SEMA3C: variants seen among roughly 807,000 people sequenced by gnomAD.
SEMA3C encodes the protein semaphorin 3C.
SEMA3C carries 47 observed loss-of-function variants against 89.4 expected under a neutral mutation model. That is an observed-to-expected ratio of 0.53 (90% CI 0.42 to 0.67). The LOEUF is 0.67. Among genes scored for constraint, SEMA3C ranks in the 30% least tolerant of loss-of-function variants. The pLI is 0.00. For missense variants in SEMA3C, 839 were observed against 929.1 expected (o/e 0.90, Z 1.26); for synonymous variants, 310 against 320.2 (o/e 0.97, Z 0.34).
intron 2 of SEMA3C, among the ~76,000 whole-genome samples, chr7:80,861,851 A>G (rs555903001): frequency 3.3e-5 from 5 of 152,206 alleles, no homozygotes; most frequent in Admixed American, 6.5e-5. Flanking sequence ...TCACACGATC[A>G]TCTCAACAGA....
chr7:80,775,533 T>C (rs1337935567), intron 12 of SEMA3C, among the ~76,000 whole-genome samples: 2 of 152,202 alleles, frequency 1.3e-5, no homozygotes, highest in Admixed American at 6.5e-5. Flanking sequence ...CTATTTTTAA[T>C]GCAGGCCCAT....
At chr7:80,837,178 A>G (rs889225943) in intron 2 of SEMA3C, among the ~76,000 whole-genome samples, 3 of 152,196 alleles carry the variant, frequency 2.0e-5, no homozygotes, top group African/African-American at 7.2e-5. Context: ...AATCTTCAGA[A>G]TCATCTATTT....
chr7:80,793,836 T>G (rs1244740642), intron 11 of SEMA3C, among the ~76,000 whole-genome samples: 1 of 115,344 alleles, frequency 8.7e-6, no homozygotes, highest in African/African-American at 2.9e-5. Flanking sequence ...TGAGAAAGAG[T>G]GACTAGCACG....
rs142145253 is a variant in SEMA3C, at chr7:80,753,187, A to G, written c.1644-1851T>C. Among the ~76,000 whole-genome samples the G allele has an allele frequency of 5.5e-3, 833 of 152,326 alleles. 7 individuals carry two copies. Among genetic ancestry groups the G allele is most frequent in the African/African-American group, 0.019 (792 of 41,568 alleles). Reference sequence around the variant, plus strand: ...CCGATTGTGTATTTCTGTACACACGAAAACAGTGAAAGTGTTAGCCACTTT... The same window carrying G: ...CCGATTGTGTATTTCTGTACACACGGAAACAGTGAAAGTGTTAGCCACTTT... On this transcript the variant is annotated intron_variant, in intron 15 of 17. Transcript: ENST00000265361.
At chr7:80,814,767 T>C (rs903805398) in intron 5 of SEMA3C, among the ~76,000 whole-genome samples, 10 of 152,176 alleles carry the variant, frequency 6.6e-5, no homozygotes, top group African/African-American at 2.4e-4. Flanking sequence ...TCAGCATTTA[T>C]ATCATTTCCT....
chr7:80,805,276 G>A (rs1428567364), intron 7 of SEMA3C, among the ~76,000 whole-genome samples: 7 of 151,998 alleles, frequency 4.6e-5, no homozygotes. Context: ...ATTTGGTATT[G>A]TTAAAACATA....
At chr7:80,810,338 T>A (rs1387550650) in intron 6 of SEMA3C, among the ~76,000 whole-genome samples, 1 of 152,162 alleles carries the variant, frequency 6.6e-6, no homozygotes, top group Non-Finnish European at 1.5e-5. Flanking sequence ...AACTACTTTA[T>A]GATAATATAT....
chr7:80,863,903 ACATATATATCACATATATAT>A (rs1401661476), intron 2 of SEMA3C, among the ~76,000 whole-genome samples: 26 of 120,070 alleles, frequency 2.2e-4, no homozygotes, highest in East Asian at 9.3e-4. Flanking sequence ...CACATATATT[ACATATATATCACATATATAT>A]CATATATATC....
At chr7:80,857,055 A>T (rs1224455525) in intron 2 of SEMA3C, among the ~76,000 whole-genome samples, 1 of 152,178 alleles carries the variant, frequency 6.6e-6, no homozygotes, top group Non-Finnish European at 1.5e-5. Flanking sequence ...TGGGAGGACC[A>T]GTCACTACGG....
At chr7:80,869,184 C>T (rs1790999223) in intron 2 of SEMA3C, among the ~76,000 whole-genome samples, 1 of 152,154 alleles carries the variant, frequency 6.6e-6, no homozygotes, top group African/African-American at 2.4e-5. Flanking sequence ...CTCCCTACTC[C>T]TCTTCCACAC....
intron 6 of SEMA3C, among the ~76,000 whole-genome samples, chr7:80,806,671 G>C (rs539594173): frequency 6.6e-6 from 1 of 152,126 alleles, no homozygotes; most frequent in African/African-American, 2.4e-5. Flanking sequence ...CATTGAATTG[G>C]TAACAAACGT....
chr7:80,798,843 G>C (rs940292949), intron 10 of SEMA3C, among the ~76,000 whole-genome samples: 2 of 152,114 alleles, frequency 1.3e-5, no homozygotes, highest in African/African-American at 4.8e-5. Context: ...TGAATCTTTA[G>C]TAAGAAATAT....
intron 6 of SEMA3C, among the ~76,000 whole-genome samples, chr7:80,810,035 GT>G (rs1232969290): frequency 6.6e-6 from 1 of 152,040 alleles, no homozygotes; most frequent in African/African-American, 2.4e-5. Flanking sequence ...AGTGACCATG[GT>G]GACAGTAAAT....
intron 16 of SEMA3C, among the ~76,000 whole-genome samples, chr7:80,750,156 C>A (rs1787891217): frequency 6.6e-6 from 1 of 151,830 alleles, no homozygotes; most frequent in African/African-American, 2.4e-5. Context: ...AACAGCACAC[C>A]TGTAGCACCT....
chr7:80,914,183 T>C (rs748761448), intron 2 of SEMA3C, among the ~76,000 whole-genome samples: 3 of 152,214 alleles, frequency 2.0e-5, no homozygotes, highest in South Asian at 2.1e-4. Flanking sequence ...AAAACAGTAA[T>C]AGAACTTTAG....
chr7:80,753,568 A>G (rs994563569), intron 15 of SEMA3C, among the ~76,000 whole-genome samples: 7 of 152,198 alleles, frequency 4.6e-5, no homozygotes, highest in African/African-American at 1.7e-4. Flanking sequence ...CAAGGCAGCC[A>G]TCTGAGCATT....
upstream of SEMA3C, among the ~76,000 whole-genome samples, chr7:80,921,698 C>T (rs531206206): frequency 1.6e-4 from 25 of 152,132 alleles, no homozygotes; most frequent in African/African-American, 2.7e-4. Context: ...ACGTTTCAGA[C>T]GAGCGGCCAA....
chr7:80,819,776 G>C (rs747521726), intron 4 of SEMA3C, among the ~76,000 whole-genome samples: 10 of 152,138 alleles, frequency 6.6e-5, no homozygotes, highest in Admixed American at 4.6e-4. Flanking sequence ...CACAGAAACA[G>C]TCAGCCCTAG....
intron 2 of SEMA3C, among the ~76,000 whole-genome samples, chr7:80,901,730 TTTC>T (rs554982355): frequency 4.5e-4 from 68 of 152,342 alleles, no homozygotes; most frequent in Middle Eastern, 6.8e-3. Flanking sequence ...GTTGTCTAAT[TTTC>T]TTATCTTGCC....
Sources: allele counts gnomAD v4.1 joint callset (sites outside exome capture counted in the v4.1 genomes callset), GRCh38; gene constraint gnomAD v4.1.1; transcripts MANE v1.5; gene names NCBI Gene and HGNC (gene_info 2026-07-23, HGNC 2026-07-21).